Variants in PCDHGB3 observed in about 807,000 individuals in gnomAD.
The protein encoded by PCDHGB3 is protocadherin gamma subfamily B, 3, also known as protocadherin gamma-B3.
A neutral mutation model predicts 59.2 loss-of-function variants in PCDHGB3; 40 were observed. The observed-to-expected ratio is 0.68, with a 90% CI of 0.52 to 0.88. The LOEUF is 0.88. Ranked by LOEUF, PCDHGB3 falls within the 40% of genes least tolerant of loss-of-function variation. The pLI is 0.00. For synonymous variants in PCDHGB3, 581 were observed against 503.6 expected (o/e 1.15, Z -2.06); for missense variants, 1,309 against 1,187.9 (o/e 1.10, Z -1.50).
rs1004176028 is a variant in PCDHGB3 at position 141,477,025 on chromosome 5, G to A, written c.2416-17782G>A. On this transcript the variant is annotated intron_variant, in intron 1 of 3. Transcript: ENST00000576222. This position sits in a 1 kb window ranked among gnomAD's most constrained non-coding sequence, Gnocchi z 4.9. ...TCGCCTTAGACCTTGTAACCGGGATGCTGACAATCAAGGGTCGGCTGGACT... is the reference window on the plus strand; with the variant it reads ...TCGCCTTAGACCTTGTAACCGGGATACTGACAATCAAGGGTCGGCTGGACT... 10 of 1,614,146 alleles carry A rather than the reference G, an allele frequency of 6.2e-6. No homozygotes were observed. Among genetic ancestry groups the A allele is most frequent in the East Asian group, 2.2e-5 (1 of 44,888 alleles).
At chr5:141,470,015 G>C (rs999085849) in intron 1 of PCDHGB3, among the ~76,000 whole-genome samples, 1 of 152,130 alleles carries the variant, frequency 6.6e-6, no homozygotes, top group Non-Finnish European at 1.5e-5. Context: ...TGTAATCCCA[G>C]CTACTCGGGA....
chr5:141,387,984 C>T (rs1470979893), intron 1 of PCDHGB3: 2 of 1,485,580 alleles, frequency 1.3e-6, no homozygotes. Flanking sequence ...TGAGCAGATC[C>T]GCTACAGGAT....
intron 1 of PCDHGB3, among the ~76,000 whole-genome samples, chr5:141,381,279 A>G (rs1001552478): frequency 3.3e-5 from 5 of 152,246 alleles, no homozygotes; most frequent in Non-Finnish European, 7.3e-5. Flanking sequence ...GTTTCTTGCC[A>G]GGTCTTTATT....
intron 1 of PCDHGB3, chr5:141,428,035 A>C (rs776717344): frequency 6.2e-7 from 1 of 1,607,926 alleles, no homozygotes; most frequent in Non-Finnish European, 8.5e-7. Context: ...GAGTCCGGCT[A>C]CCTGGTGACC....
At chr5:141,418,131 A>C (rs1421799777) in intron 1 of PCDHGB3, 1 of 1,614,044 alleles carries the variant, frequency 6.2e-7, no homozygotes, top group East Asian at 2.2e-5. Flanking sequence ...GACCGAATAG[A>C]CCGTGAGCAA....
At chr5:141,379,592 TACCTGTGACCATTTCATTTAA>T (rs1451558055) in intron 1 of PCDHGB3, 2 of 152,236 alleles carry the variant, frequency 1.3e-5, no homozygotes, top group East Asian at 3.8e-4. Flanking sequence ...ATTCTCTTAT[TACCTGTGACCATTTCATTTAA>T]ACAAATAAAA....
At position 141,511,246 on chromosome 5, in the gene PCDHGB3, G is replaced by A; in HGVS notation, c.*73G>A. 2 of 1,578,734 alleles carry A rather than the reference G, an allele frequency of 1.3e-6. No homozygotes were observed. Among genetic ancestry groups the A allele is most frequent in the Non-Finnish European group, 1.7e-6 (2 of 1,162,472 alleles). On this transcript the variant is annotated 3_prime_UTR_variant, in exon 4 of 4. Coordinates refer to ENST00000576222, the MANE Select transcript of PCDHGB3 (RefSeq NM_018924.5). The stretch of plus-strand genomic sequence containing the variant: ...CCAGCTTCTCCTTACCTGCACCCAG[G>A]CCTCAGAGTTTCAGGGCTAACCCCC...
chr5:141,409,462 C>G (rs377705841), intron 1 of PCDHGB3: 1 of 1,613,988 alleles, frequency 6.2e-7, no homozygotes, highest in African/African-American at 1.3e-5. Flanking sequence ...AATACAATGT[C>G]ACCATCGTAG....
chr5:141,410,352 G>T (rs754268147), intron 1 of PCDHGB3: 4 of 1,614,022 alleles, frequency 2.5e-6, no homozygotes, highest in South Asian at 2.2e-5. Flanking sequence ...CGCCTGCGAC[G>T]CTCTCTCAGC....
chr5:141,500,184 T>TTTTTTTTATTTA (rs1554186429), intron 2 of PCDHGB3, among the ~76,000 whole-genome samples: 16 of 135,886 alleles, frequency 1.2e-4, no homozygotes, highest in African/African-American at 4.3e-4. Context: ...TCATTTTTAT[T>TTTTTTTTATTTA]TTTATTTATT....
intron 2 of PCDHGB3, among the ~76,000 whole-genome samples, chr5:141,500,453 C>T (rs1403599390): frequency 6.6e-6 from 1 of 152,130 alleles, no homozygotes; most frequent in South Asian, 2.1e-4. Context: ...TCGTGATCCG[C>T]CCGCCTCGGC....
intron 1 of PCDHGB3, among the ~76,000 whole-genome samples, chr5:141,479,914 G>T (rs2099509746): frequency 6.6e-6 from 1 of 152,148 alleles, no homozygotes; most frequent in South Asian, 2.1e-4. Context: ...CTGTTATTTT[G>T]TTACTCAGTG....
Position 141,491,793 on chromosome 5 carries a change from C to T in PCDHGB3, c.2416-3014C>T, listed in dbSNP as rs2099730341. 4.0e-6 allele frequency: 6 copies of T among 1,511,410 alleles called. No individual in the cohort carries two copies. Among genetic ancestry groups the T allele is most frequent in the East Asian group, 2.5e-5 (1 of 40,660 alleles). The allele number at this position is 1,511,410 out of a possible 1,614,324, so 93.6% of individuals were successfully genotyped here. A position where few individuals can be genotyped will look rare whatever the true frequency, so the allele number is the denominator to read the frequency against. On this transcript the variant is annotated intron_variant, in intron 1 of 3. Transcript: ENST00000576222. This position sits in a 1 kb window ranked among gnomAD's most constrained non-coding sequence, Gnocchi z 6.9. ...AGGGATTGAACTTGCATCCACTCCT[C>T]TCCGGCCGGCTTGGTCGCTGGCTGC...
In PCDHGB3 at chr5:141,398,664, A is replaced by G. The variant is rs762356100; in HGVS notation, c.2415+25855A>G. The G allele has an allele frequency of 4.3e-6, 7 of 1,612,604 alleles. No individual in the cohort carries two copies. In the East Asian group the frequency reaches 8.9e-5, roughly 21 times the overall value. ...AACTCTCTCTTAACCCAAGTTTCTC[A>G]TTAATAATTAAGGAGAAACAGGATG... On this transcript the variant is annotated intron_variant, in intron 1 of 3. Transcript: ENST00000576222.
chr5:141,468,443 G>A (rs760789357), intron 1 of PCDHGB3: 6 of 152,124 alleles, frequency 3.9e-5, no homozygotes, highest in Non-Finnish European at 8.8e-5. Context: ...AAATGTGGGT[G>A]CAAAATTAAA....
At chr5:141,453,475 A>C (rs2098766452) in intron 1 of PCDHGB3, among the ~76,000 whole-genome samples, 1 of 151,996 alleles carries the variant, frequency 6.6e-6, no homozygotes, top group Non-Finnish European at 1.5e-5. Context: ...ATAAAGTCAA[A>C]ACTATTAAAA....
At chr5:141,375,211 T>A in intron 1 of PCDHGB3, 1 of 1,614,010 alleles carries the variant, frequency 6.2e-7, no homozygotes, top group South Asian at 1.1e-5. Context: ...ATCGAGACTC[T>A]GGCCTGAATG....
intron 1 of PCDHGB3, among the ~76,000 whole-genome samples, chr5:141,463,999 C>A (rs1261262637): frequency 1.3e-5 from 2 of 152,056 alleles, no homozygotes; most frequent in African/African-American, 4.8e-5. Flanking sequence ...GGTGCAGTGG[C>A]TCATGCTTGT....
intron 1 of PCDHGB3, among the ~76,000 whole-genome samples, chr5:141,382,211 G>A (rs1778048764): frequency 6.6e-6 from 1 of 152,054 alleles, no homozygotes; most frequent in African/African-American, 2.4e-5. Flanking sequence ...ATTAAAATAG[G>A]TCTATATATT....
Sources: allele counts gnomAD v4.1 joint callset (sites outside exome capture counted in the v4.1 genomes callset), GRCh38; gene constraint gnomAD v4.1.1; non-coding constraint Gnocchi (gnomAD v3.1); transcripts MANE v1.5; gene names NCBI Gene and HGNC (gene_info 2026-07-23, HGNC 2026-07-21).